PHACTR1: variants seen among roughly 807,000 people sequenced by gnomAD.
The protein encoded by PHACTR1 is phosphatase and actin regulator 1, also known as RPEL repeat containing 1.
Under a neutral mutation model 69.2 loss-of-function variants are expected in PHACTR1, and 16 were observed. The observed-to-expected ratio is 0.23, with a 90% CI of 0.16 to 0.35. The LOEUF (loss-of-function observed/expected upper bound fraction) is 0.35, where lower values mean the gene tolerates loss of function less well. PHACTR1 is among the 10% of genes least tolerant of loss of function. The pLI is 1.00. For missense variants in PHACTR1, 510 were observed against 734.7 expected, an observed-to-expected ratio of 0.69 and a Z score of 3.54; for synonymous variants, 312 against 284.5, an observed-to-expected ratio of 1.10 and a Z score of -0.97.
intron 4 of PHACTR1, among the ~76,000 whole-genome samples, chr6:13,012,425 A>G (rs1799544338): frequency 6.6e-6 from 1 of 152,242 alleles, no homozygotes; most frequent in Admixed American, 6.5e-5. Context: ...GTTCCTAGAA[A>G]CAACTGGTAG....
chr6:12,725,782 C>G (rs1197025335), intron 3 of PHACTR1, among the ~76,000 whole-genome samples: 2 of 152,176 alleles, frequency 1.3e-5, no homozygotes. Flanking sequence ...TGCTTAATAT[C>G]ATCCTTCTTA....
At chr6:12,890,252 C>T (rs1316089478) in intron 4 of PHACTR1, among the ~76,000 whole-genome samples, 2 of 152,058 alleles carry the variant, frequency 1.3e-5, no homozygotes, top group Non-Finnish European at 2.9e-5. Context: ...ATCCTCGCCC[C>T]CAAGTTCATG....
intron 4 of PHACTR1, among the ~76,000 whole-genome samples, chr6:13,006,491 G>C (rs1798809806): frequency 6.6e-6 from 1 of 152,186 alleles, no homozygotes; most frequent in South Asian, 2.1e-4. Flanking sequence ...CCGATCTTCT[G>C]TTTTGTGAAG....
At chr6:13,102,801 A>G (rs1314242944) in intron 5 of PHACTR1, among the ~76,000 whole-genome samples, 1 of 152,222 alleles carries the variant, frequency 6.6e-6, no homozygotes, top group Non-Finnish European at 1.5e-5. Flanking sequence ...AGTGTGTGCT[A>G]TTTTGAAAAT....
intron 4 of PHACTR1, among the ~76,000 whole-genome samples, chr6:12,848,725 G>T (rs952223363): frequency 1.3e-5 from 2 of 152,108 alleles, no homozygotes; most frequent in Non-Finnish European, 2.9e-5. Context: ...TAGGTTTCTG[G>T]TTCTGAATGT....
intron 4 of PHACTR1, among the ~76,000 whole-genome samples, chr6:12,887,047 C>A (rs754927674): frequency 1.6e-4 from 24 of 152,204 alleles, no homozygotes; most frequent in African/African-American, 5.1e-4. Context: ...TCCTCCACCC[C>A]CTCCTCCTCC....
At chr6:12,745,853 G>A (rs886377247) in intron 3 of PHACTR1, among the ~76,000 whole-genome samples, 4 of 152,194 alleles carry the variant, frequency 2.6e-5, no homozygotes, top group African/African-American at 9.7e-5. Flanking sequence ...ACCCATGCTG[G>A]TAGAGTGACT....
intron 4 of PHACTR1, among the ~76,000 whole-genome samples, chr6:13,028,445 T>G (rs993576885): frequency 3.9e-5 from 6 of 152,240 alleles, no homozygotes; most frequent in Non-Finnish European, 8.8e-5. Context: ...TCAATCATAC[T>G]TTTGCTTCAA....
At chr6:12,843,785 G>A (rs1458071554) in intron 4 of PHACTR1, among the ~76,000 whole-genome samples, 2 of 152,212 alleles carry the variant, frequency 1.3e-5, no homozygotes, top group African/African-American at 4.8e-5. Flanking sequence ...GGTATGACAT[G>A]TGGTAGACTA....
chr6:12,826,767 A>T (rs1280266871), intron 4 of PHACTR1, among the ~76,000 whole-genome samples: 1 of 152,188 alleles, frequency 6.6e-6, no homozygotes, highest in African/African-American at 2.4e-5. Flanking sequence ...GGAAATAATA[A>T]CTCAGGTTAA....
intron 5 of PHACTR1, among the ~76,000 whole-genome samples, chr6:13,080,706 A>G (rs549598830): frequency 2.0e-5 from 3 of 152,296 alleles, no homozygotes; most frequent in South Asian, 2.1e-4. Context: ...ATTCCCTTAC[A>G]TTGTCCTTGA....
intron 5 of PHACTR1, among the ~76,000 whole-genome samples, chr6:13,063,438 G>A (rs1807994781): frequency 6.6e-6 from 1 of 152,086 alleles, no homozygotes. Context: ...CAGAATGTAG[G>A]AGAGCCAGGG....
At chr6:13,015,337 A>G (rs1800024891) in intron 4 of PHACTR1, among the ~76,000 whole-genome samples, 1 of 152,188 alleles carries the variant, frequency 6.6e-6, no homozygotes, top group African/African-American at 2.4e-5. Flanking sequence ...CTGGGACGGC[A>G]CTGGAGGAAG....
intron 10 of PHACTR1, among the ~76,000 whole-genome samples, chr6:13,268,069 C>T (rs1777061999): frequency 6.6e-6 from 1 of 152,092 alleles, no homozygotes; most frequent in African/African-American, 2.4e-5. Flanking sequence ...GAGTTTGAGA[C>T]TAGCCTGGCC....
At chr6:12,737,499 T>G (rs1275464264) in intron 3 of PHACTR1, among the ~76,000 whole-genome samples, 1 of 152,090 alleles carries the variant, frequency 6.6e-6, no homozygotes, top group Non-Finnish European at 1.5e-5. Context: ...TTATATGTGA[T>G]TTTATATATG....
At chr6:13,065,967 A>AAGATCCAGC (rs1461363647) in intron 5 of PHACTR1, among the ~76,000 whole-genome samples, 2 of 152,042 alleles carry the variant, frequency 1.3e-5, no homozygotes, top group African/African-American at 4.8e-5. Flanking sequence ...AAAAAAAAAA[A>AAGATCCAGC]AGATCCAGCA....
chr6:13,215,457 G>A (rs1461597292), intron 8 of PHACTR1, among the ~76,000 whole-genome samples: 1 of 152,222 alleles, frequency 6.6e-6, no homozygotes, highest in Non-Finnish European at 1.5e-5. Flanking sequence ...GCAGATTAGA[G>A]GAAGGGGTGA....
intron 4 of PHACTR1, among the ~76,000 whole-genome samples, chr6:12,965,257 GC>G (rs1378311485): frequency 6.6e-5 from 10 of 152,090 alleles, no homozygotes; most frequent in Non-Finnish European, 8.8e-5. Context: ...CTTGGAGTCT[GC>G]TTTTGCAAAA....
intron 4 of PHACTR1, among the ~76,000 whole-genome samples, chr6:12,785,909 A>T (rs1440586110): frequency 6.6e-6 from 1 of 152,042 alleles, no homozygotes. Context: ...GCTGAGATTT[A>T]TTCTGACTTT....
Sources: gnomAD v4.1 joint callset for allele counts (sites outside exome capture counted in the v4.1 genomes callset) on GRCh38, gnomAD v4.1.1 for gene constraint, MANE v1.5 for transcripts, NCBI Gene and HGNC (gene_info 2026-07-23, HGNC 2026-07-21) for gene names.